KHDRBS2: variants seen among roughly 807,000 people sequenced by gnomAD.
KHDRBS2 encodes KH domain-containing, RNA-binding, signal transduction-associated protein 2.
Under a neutral mutation model 44.3 loss-of-function variants are expected in KHDRBS2, and 26 were observed. That is an observed-to-expected ratio of 0.59 (90% confidence interval 0.43 to 0.81). The LOEUF (loss-of-function observed/expected upper bound fraction) is 0.81. KHDRBS2 is among the 40% of genes least tolerant of loss of function. The pLI is 0.00. For synonymous variants in KHDRBS2, 194 were observed against 151.1 expected, an observed-to-expected ratio of 1.28 and a Z score of -2.08; for missense variants, 476 against 433.1, an observed-to-expected ratio of 1.10 and a Z score of -0.88.
chr6:62,239,605 T>C (rs1398467917), intron 1 of KHDRBS2, among the ~76,000 whole-genome samples: 1 of 151,738 alleles, frequency 6.6e-6, no homozygotes, highest in Non-Finnish European at 1.5e-5. Flanking sequence ...ATAAATAAAG[T>C]ACAAGTGTGC....
At chr6:61,880,013 CA>C (rs1307944780) in intron 6 of KHDRBS2, among the ~76,000 whole-genome samples, 1 of 151,586 alleles carries the variant, frequency 6.6e-6, no homozygotes, top group Non-Finnish European at 1.5e-5. Flanking sequence ...TGAGACAAAG[CA>C]AAGAAAGAAT....
chr6:62,037,947 C>T (rs1012964323), intron 3 of KHDRBS2, among the ~76,000 whole-genome samples: 2 of 151,922 alleles, frequency 1.3e-5, no homozygotes, highest in African/African-American at 4.8e-5. Flanking sequence ...GAAATCTATT[C>T]ATAATGGGTG....
the KHDRBS2 span, among the ~76,000 whole-genome samples, chr6:61,586,149 T>C: frequency 1.3e-4 from 20 of 152,202 alleles, 1 homozygote; most frequent in Admixed American, 4.6e-4. Flanking sequence ...ACTTAAATCC[T>C]TTATTTGCTA....
intron 6 of KHDRBS2, among the ~76,000 whole-genome samples, chr6:61,819,463 AT>A (rs1789522377): frequency 6.6e-6 from 1 of 150,410 alleles, no homozygotes; most frequent in Admixed American, 6.7e-5. Flanking sequence ...GTTGATACAT[AT>A]CTTATCTGTC....
chr6:62,098,477 C>T (rs188384387), intron 2 of KHDRBS2, among the ~76,000 whole-genome samples: 1 of 146,620 alleles, frequency 6.8e-6, no homozygotes, highest in East Asian at 2.0e-4. Context: ...ACACTCCCTC[C>T]TGGCCTGTAA....
chr6:61,975,680 C>CACACACACACACACACACAG (rs148696826), intron 4 of KHDRBS2, among the ~76,000 whole-genome samples: 6 of 149,860 alleles, frequency 4.0e-5, no homozygotes, highest in African/African-American at 1.2e-4. Context: ...CACACACACA[C>CACACACACACACACACACAG]AGAGAGATAT....
intron 4 of KHDRBS2, among the ~76,000 whole-genome samples, chr6:61,937,436 A>G (rs1468242605): frequency 6.6e-6 from 1 of 151,968 alleles, no homozygotes; most frequent in Non-Finnish European, 1.5e-5. Context: ...CTACTACACA[A>G]CGTCACTAGG....
chr6:61,881,832 G>C (rs556705171), intron 6 of KHDRBS2, among the ~76,000 whole-genome samples: 4 of 152,056 alleles, frequency 2.6e-5, no homozygotes, highest in Admixed American at 2.0e-4. Context: ...GCTCTGTACC[G>C]GTGCAGAACA....
At position 62,090,974 on chromosome 6, in the gene KHDRBS2, C is replaced by A. The variant is rs146692228; in HGVS notation, c.220-42980G>T. On this transcript the variant is annotated intron_variant, in intron 2 of 8. Coordinates refer to ENST00000281156, the MANE Select transcript of KHDRBS2 (RefSeq NM_152688.4). ...AGCTCTTTATGAAAAATAGTTACTA[C>A]GGGCATAATCTGATTTCCACAACCT... Among the ~76,000 whole-genome samples the A allele has an allele frequency of 6.7e-3, 1,024 of 152,262 alleles. 16 individuals carry two copies. Among genetic ancestry groups the A allele is most frequent in the African/African-American group, 0.022 (932 of 41,550 alleles).
the KHDRBS2 span, among the ~76,000 whole-genome samples, chr6:61,547,982 T>C: frequency 1.3e-5 from 2 of 152,068 alleles, no homozygotes; most frequent in Admixed American, 6.6e-5. Flanking sequence ...CACATAAAAG[T>C]AATCTCCAAA....
chr6:61,954,557 TACAC>T (rs1334545659), intron 4 of KHDRBS2, among the ~76,000 whole-genome samples: 1 of 146,708 alleles, frequency 6.8e-6, no homozygotes, highest in Non-Finnish European at 1.5e-5. Context: ...TATGTATATA[TACAC>T]ATACATACGT....
chr6:62,246,866 A>G (rs1255678627), intron 1 of KHDRBS2, among the ~76,000 whole-genome samples: 2 of 152,082 alleles, frequency 1.3e-5, no homozygotes, highest in Admixed American at 1.3e-4. Context: ...GTAAATCATA[A>G]AAAGTAGTAA....
At chr6:61,811,539 A>G (rs1788119658) in intron 6 of KHDRBS2, among the ~76,000 whole-genome samples, 1 of 152,114 alleles carries the variant, frequency 6.6e-6, no homozygotes, top group Admixed American at 6.6e-5. Flanking sequence ...TGCTTTCCAC[A>G]GTGGCTGAAC....
intron 7 of KHDRBS2, among the ~76,000 whole-genome samples, chr6:61,720,483 G>C (rs926617454): frequency 6.6e-5 from 10 of 152,174 alleles, no homozygotes; most frequent in Non-Finnish European, 1.3e-4. Context: ...ACTGGTGTGA[G>C]ATGGTACCTC....
chr6:61,891,738 A>T (rs555120681), intron 6 of KHDRBS2, among the ~76,000 whole-genome samples: 1 of 152,234 alleles, frequency 6.6e-6, no homozygotes, highest in Non-Finnish European at 1.5e-5. Flanking sequence ...TTAGGTATTG[A>T]TGGGATATAT....
chr6:61,574,448 A>C, the KHDRBS2 span: 2 of 1,430,152 alleles, frequency 1.4e-6, no homozygotes, highest in Admixed American at 4.3e-5. Flanking sequence ...TTACCAATGC[A>C]AACAACACCC....
At chr6:61,929,500 T>C (rs1042180777) in intron 4 of KHDRBS2, among the ~76,000 whole-genome samples, 6 of 152,180 alleles carry the variant, frequency 3.9e-5, no homozygotes, top group South Asian at 2.1e-4. Context: ...TTCCACCACC[T>C]GTATACCTGT....
At chr6:61,697,723 T>C (rs1426863999) in intron 7 of KHDRBS2, among the ~76,000 whole-genome samples, 1 of 152,218 alleles carries the variant, frequency 6.6e-6, no homozygotes, top group South Asian at 2.1e-4. Context: ...TCCCCAAATA[T>C]ATAAGCTATT....
At chr6:61,601,416 C>T in the KHDRBS2 span, among the ~76,000 whole-genome samples, 1 of 152,084 alleles carries the variant, frequency 6.6e-6, no homozygotes, top group African/African-American at 2.4e-5. Context: ...AAAATCTAAG[C>T]ATCTTATTTT....
Sources: gnomAD v4.1 joint callset for allele counts (sites outside exome capture counted in the v4.1 genomes callset) on GRCh38, gnomAD v4.1.1 for gene constraint, MANE v1.5 for transcripts, NCBI Gene and HGNC (gene_info 2026-07-23, HGNC 2026-07-21) for gene names.